MACO1: variants seen among roughly 807,000 people sequenced by gnomAD.
MACO1 encodes the protein macoilin 1.
Under a neutral mutation model 78.7 loss-of-function variants are expected in MACO1, and 14 were observed. The observed-to-expected ratio is 0.18, with a 90% CI of 0.12 to 0.28. MACO1 has a LOEUF of 0.28. MACO1 is among the 10% of genes least tolerant of loss of function. The pLI, the probability that MACO1 is intolerant of heterozygous loss-of-function variation, is 1.00. For missense variants in MACO1, 501 were observed against 799.0 expected (o/e 0.63, Z 4.50); for synonymous variants, 288 against 291.6 (o/e 0.99, Z 0.12).
In MACO1 at chr1:25,465,583, T is replaced by G. The variant is rs558642365; in HGVS notation, c.1154+6691T>G. 1.9e-3 allele frequency among the ~76,000 whole-genome samples: 289 copies of G among 152,350 alleles called. 2 individuals are homozygous for G. The highest frequency in any genetic ancestry group is 6.7e-3 in the African/African-American group (277 of 41,580). On this transcript the variant is annotated intron_variant, in intron 6 of 10. Transcript: ENST00000374343. ...TTTTTATATGCTTGTTTACCATCTG[T>G]GCATCTTTTTTTGGTGAGGTGTCTG...
At chr1:25,445,626 C>T (rs549882400) in intron 1 of MACO1, among the ~76,000 whole-genome samples, 2 of 144,634 alleles carry the variant, frequency 1.4e-5, no homozygotes, top group East Asian at 4.0e-4. Context: ...TTGTTTTTTT[C>T]CTCCAAGTAT....
At position 25,430,971 on chromosome 1, in the gene MACO1, T is replaced by G; in HGVS notation, c.-128T>G. ...CGTGCTACCCCCTCCCCCCGGGTGC[T>G]GGCTCCATGTCTGTGTGACCGGCCT... On this transcript the variant is annotated 5_prime_UTR_variant, in exon 1 of 11. Transcript: ENST00000374343. 1 of 271,390 alleles carries G rather than the reference T, an allele frequency of 3.7e-6. No homozygotes were observed. 16.8% of individuals were successfully genotyped at this position (271,390 alleles called of 1,614,324 possible). A position where few individuals can be genotyped will look rare whatever the true frequency, so the allele number is the denominator to read the frequency against.
chr1:25,499,983 C>CA lies in MACO1; in HGVS notation c.*1518dup, dbSNP rs1156829549. The CA allele has an allele frequency of 6.6e-6, 1 of 152,120 alleles. No individual in the cohort carries two copies. Among genetic ancestry groups the CA allele is most frequent in the African/African-American group, 2.4e-5 (1 of 41,428 alleles). 9.4% of individuals were successfully genotyped at this position (152,120 alleles called of 1,614,324 possible). A position where few individuals can be genotyped will look rare whatever the true frequency, so the allele number is the denominator to read the frequency against. ...AGGTGTGCATGTTGCTGCCATTTTG[C>CA]ATTTTTGAATCATCTTGTGTAATTG... On this transcript the variant is annotated 3_prime_UTR_variant, in exon 11 of 11. Transcript: ENST00000374343.
intron 6 of MACO1, among the ~76,000 whole-genome samples, chr1:25,461,292 C>T (rs1019115774): frequency 4.6e-5 from 7 of 152,006 alleles, no homozygotes; most frequent in African/African-American, 1.4e-4. Flanking sequence ...AGCACACCAA[C>T]ATGGCACGTG....
At chr1:25,450,660 A>T (rs972820606) in intron 3 of MACO1, among the ~76,000 whole-genome samples, 4 of 152,258 alleles carry the variant, frequency 2.6e-5, no homozygotes, top group African/African-American at 7.2e-5. Context: ...TATGAGCATG[A>T]TTTTCTCCAT....
chr1:25,435,144 T>C (rs1413394947), intron 1 of MACO1, among the ~76,000 whole-genome samples: 1 of 152,220 alleles, frequency 6.6e-6, no homozygotes, highest in Non-Finnish European at 1.5e-5. Context: ...GGTATATGTT[T>C]TAAGCTTCTG....
chr1:25,439,529 G>T (rs2042949671), intron 1 of MACO1, among the ~76,000 whole-genome samples: 1 of 152,130 alleles, frequency 6.6e-6, no homozygotes, highest in Non-Finnish European at 1.5e-5. Flanking sequence ...TATGCAGGAG[G>T]CCTAGAATAG....
chr1:25,441,404 C>T (rs1460721637), intron 1 of MACO1, among the ~76,000 whole-genome samples: 3 of 152,200 alleles, frequency 2.0e-5, no homozygotes, highest in African/African-American at 7.2e-5. Flanking sequence ...AGGCTGGTCT[C>T]GAACTCCTGA....
At chr1:25,431,441 C>T (rs1256811942) in intron 1 of MACO1, among the ~76,000 whole-genome samples, 1 of 150,028 alleles carries the variant, frequency 6.7e-6, no homozygotes, top group Non-Finnish European at 1.5e-5. Flanking sequence ...TTGGAAGCGC[C>T]GGGCCCGCCG....
chr1:25,458,449 C>T lies in MACO1; in HGVS notation c.711C>T (p.Ile237=). 4 of 1,613,032 alleles carry T rather than the reference C, an allele frequency of 2.5e-6. No homozygotes were observed. Among genetic ancestry groups the T allele is most frequent in the Non-Finnish European group, 3.4e-6 (4 of 1,179,752 alleles). The part of the protein sequence containing the change: ...SSILIHHNGG[I]PANKKLSTTL... ...TCCTTATACACCACAATGGAGGTAT[C>T]CCAGCCAACAAAAAACTCTCCACAA... The change falls in exon 6 of 11, where the codon ATC becomes ATT. Residue 237 remains isoleucine, a synonymous_variant. Coordinates refer to ENST00000374343, the MANE Select transcript of MACO1 (RefSeq NM_018202.6).
chr1:25,467,698 A>G lies in MACO1; in HGVS notation c.1154+8806A>G, dbSNP rs186085623. 3.2e-3 allele frequency among the ~76,000 whole-genome samples: 482 copies of G among 151,168 alleles called. 3 individuals are homozygous for G. Among genetic ancestry groups the G allele is most frequent in the African/African-American group, 9.9e-3 (406 of 41,098 alleles). ...TCCAGAGTTTGCTTGGTAGAGTACC[A>G]TTTAATAAAACTGAGTAGAAATTAG... On this transcript the variant is annotated intron_variant, in intron 6 of 10. Transcript: ENST00000374343.
chr1:25,431,273 G>T (rs1332912374), intron 1 of MACO1, 95 bp downstream of exon 1: 8 of 907,264 alleles, frequency 8.8e-6, no homozygotes, highest in Non-Finnish European at 1.3e-5. Context: ...CGAGTAGGCC[G>T]CACGCCCGCG....
intron 1 of MACO1, among the ~76,000 whole-genome samples, chr1:25,437,908 A>G (rs2042933621): frequency 6.6e-6 from 1 of 152,138 alleles, no homozygotes; most frequent in Non-Finnish European, 1.5e-5. Context: ...GCAATAGAGC[A>G]AGACCCTGTG....
chr1:25,498,137 T>A (rs1357432465), intron 10 of MACO1, 127 bp from the exon 11 acceptor site: 1 of 878,296 alleles, frequency 1.1e-6, no homozygotes, highest in African/African-American at 1.7e-5. Flanking sequence ...CAAGTTTGCC[T>A]GCTCTTATAA....
intron 6 of MACO1, among the ~76,000 whole-genome samples, chr1:25,467,315 T>C (rs1242910290): frequency 6.6e-6 from 1 of 152,136 alleles, no homozygotes; most frequent in African/African-American, 2.4e-5. Flanking sequence ...GTGCGACACC[T>C]GAACTGCTGT....
chr1:25,456,705 T>C lies in MACO1; in HGVS notation c.526T>C (p.Tyr176His). Residue 176 changes from tyrosine (Y) to histidine (H), a missense_variant, in exon 5 of 11, where the codon TAC becomes CAC. Physicochemically the swap from Tyr to His is moderately conservative, Grantham distance 83. Coordinates refer to ENST00000374343, the MANE Select transcript of MACO1 (RefSeq NM_018202.6). Reference protein sequence around the residue: ...LGFGFKSYVSYKMRLRKQKEV... With the variant: ...LGFGFKSYVSHKMRLRKQKEV... ...GTTTGGCTTCAAAAGTTACGTAAGC[T>C]ACAAAATGCGGTTAAGGAAGCAAAA... is the stretch of plus-strand genomic sequence containing the variant. 2 of 1,614,012 alleles carry C rather than the reference T, an allele frequency of 1.2e-6. No individual in the cohort carries two copies. The highest frequency in any genetic ancestry group is 1.7e-6 in the Non-Finnish European group (2 of 1,179,972).
At chr1:25,493,483 C>G (rs535077854) in intron 10 of MACO1, among the ~76,000 whole-genome samples, 2 of 151,792 alleles carry the variant, frequency 1.3e-5, no homozygotes, top group Non-Finnish European at 2.9e-5. Flanking sequence ...CTCCTGGGCT[C>G]AAGAGATCCT....
chr1:25,493,323 C>T (rs1462881581), intron 10 of MACO1, among the ~76,000 whole-genome samples: 1 of 152,140 alleles, frequency 6.6e-6, no homozygotes, highest in Non-Finnish European at 1.5e-5. Flanking sequence ...ACTGCAGCCT[C>T]GACCTTCTGG....
intron 10 of MACO1, among the ~76,000 whole-genome samples, chr1:25,491,969 G>C (rs1425403380): frequency 1.3e-5 from 2 of 152,164 alleles, no homozygotes; most frequent in Non-Finnish European, 2.9e-5. Context: ...CTCCCCAGGG[G>C]AGCTGATGTC....
Sources: allele counts gnomAD v4.1 joint callset (sites outside exome capture counted in the v4.1 genomes callset), GRCh38; gene constraint gnomAD v4.1.1; transcripts MANE v1.5; gene names NCBI Gene and HGNC (gene_info 2026-07-23, HGNC 2026-07-21).